Variants in ATF7 observed in about 807,000 individuals in gnomAD.
ATF7 encodes activating transcription factor 7, also known as cyclic AMP-dependent transcription factor ATF-7.
In ATF7, 10 loss-of-function variants were observed where a neutral mutation model predicts 50.4. That is an observed-to-expected ratio of 0.20 (90% CI 0.12 to 0.34). ATF7 has a LOEUF of 0.34. Among genes scored for constraint, ATF7 ranks in the 10% least tolerant of loss-of-function variants. The probability of loss-of-function intolerance (pLI) is 1.00; values close to 1 mark genes in which losing one functional copy is unlikely to be tolerated. For synonymous variants in ATF7, 201 were observed against 226.4 expected, an observed-to-expected ratio of 0.89 and a Z score of 1.01; for missense variants, 465 against 613.9, an observed-to-expected ratio of 0.76 and a Z score of 2.56.
intron 2 of ATF7, among the ~76,000 whole-genome samples, chr12:53,599,507 A>G (rs1943297980): frequency 6.6e-6 from 1 of 151,880 alleles, no homozygotes; most frequent in African/African-American, 2.4e-5. Flanking sequence ...GGAAACATGT[A>G]GTAAATAATA....
chr12:53,526,948 C>T (rs1434738494), intron 9 of ATF7, among the ~76,000 whole-genome samples: 2 of 151,856 alleles, frequency 1.3e-5, no homozygotes, highest in African/African-American at 2.4e-5. Flanking sequence ...CACCTGAGGT[C>T]AGAAGTTCAA....
intron 4 of ATF7, 129 bp from the exon 5 acceptor site, chr12:53,537,681 G>GC (rs1939303730): frequency 1.9e-6 from 2 of 1,058,694 alleles, no homozygotes; most frequent in Non-Finnish European, 2.7e-6. Flanking sequence ...GCACTGAACT[G>GC]CATGTCAAAT....
At chr12:53,588,917 C>T (rs887917277) in intron 2 of ATF7, among the ~76,000 whole-genome samples, 1 of 152,066 alleles carries the variant, frequency 6.6e-6, no homozygotes, top group Admixed American at 6.6e-5. Flanking sequence ...TCTTCATTTT[C>T]ATAAGAATTT....
intron 2 of ATF7, among the ~76,000 whole-genome samples, chr12:53,599,196 G>A (rs1170364006): frequency 6.6e-6 from 1 of 151,822 alleles, no homozygotes. Flanking sequence ...ACCATGCCTG[G>A]CTAATTTTTA....
chr12:53,592,252 AAGGT>A (rs1942975837), intron 2 of ATF7, among the ~76,000 whole-genome samples: 1 of 152,234 alleles, frequency 6.6e-6, no homozygotes, highest in Non-Finnish European at 1.5e-5. Context: ...CACAAATACA[AAGGT>A]AGCATATTTC....
intron 2 of ATF7, among the ~76,000 whole-genome samples, chr12:53,582,967 C>A (rs1453723254): frequency 1.3e-5 from 2 of 152,116 alleles, no homozygotes; most frequent in African/African-American, 4.8e-5. Context: ...GACAAAGAAG[C>A]AAAGGCAATA....
chr12:53,601,064 T>G, intron 1 of ATF7, 43 bp from the exon 2 acceptor site: 1 of 1,323,122 alleles, frequency 7.6e-7, no homozygotes, highest in Non-Finnish European at 1.0e-6. Flanking sequence ...TTAAATATGC[T>G]GGAGCAAAAA....
chr12:53,612,431 G>A (rs1040623057), intron 1 of ATF7, among the ~76,000 whole-genome samples: 3 of 151,956 alleles, frequency 2.0e-5, no homozygotes, highest in African/African-American at 7.3e-5. Flanking sequence ...GTGCCATCAC[G>A]CCCGGCTAAT....
intron 2 of ATF7, among the ~76,000 whole-genome samples, chr12:53,581,073 C>T (rs1942399791): frequency 1.3e-5 from 2 of 151,676 alleles, no homozygotes; most frequent in East Asian, 3.9e-4. Context: ...GATTGTGCCA[C>T]TGCACTCCAG....
Position 53,533,205 on chromosome 12 carries a change from C to G in ATF7, c.615G>C (p.Met205Ile). 6.2e-7 allele frequency: 1 copy of G among 1,613,884 alleles called. No homozygotes were observed. Among genetic ancestry groups the G allele is most frequent in the Non-Finnish European group, 8.5e-7 (1 of 1,179,814 alleles). ...GTACTGGAGGCCCTGGCAACACAGGCATGGTCTGTCCATTAGCAAGATGCA... is the reference window on the plus strand; with the variant it reads ...GTACTGGAGGCCCTGGCAACACAGGGATGGTCTGTCCATTAGCAAGATGCA... ...LVMHLANGQT[M>I]PVLPGPPVQM... Residue 205 changes from methionine to isoleucine, a missense_variant, in exon 7 of 12, where the codon ATG (methionine) becomes ATC (isoleucine). By Grantham distance (10) the Met-to-Ile change is conservative. Coordinates refer to ENST00000420353, the MANE Select transcript of ATF7 (RefSeq NM_006856.3).
Position 53,587,907 on chromosome 12 carries a change from C to CACGATCTAAGCTCACT in ATF7, c.48+13030_48+13045dup, listed in dbSNP as rs1942791124. On this transcript the variant is annotated intron_variant, in intron 2 of 11. Coordinates refer to ENST00000420353, the MANE Select transcript of ATF7 (RefSeq NM_006856.3). ...TGTCACCCAGGCTGGAGTGCAATGG[C>CACGATCTAAGCTCACT]ACGATCTAAGCTCACTGCAACCTCT... Among the ~76,000 whole-genome samples the CACGATCTAAGCTCACT allele has an allele frequency of 2.1e-5, 3 of 145,122 alleles. No homozygotes were observed. The Admixed American group carries it at 2.2e-4, about 10-fold the overall frequency.
At chr12:53,587,843 A>ATATATATATATATATATATATATATTTT in intron 2 of ATF7, among the ~76,000 whole-genome samples, 38 of 61,486 alleles carry the variant, frequency 6.2e-4, no homozygotes, top group Non-Finnish European at 8.1e-4. Context: ...ATATATATAT[A>ATATATATATATATATATATATATATTTT]TTTTTTTTTT....
intron 2 of ATF7, among the ~76,000 whole-genome samples, chr12:53,596,549 G>C (rs1325479076): frequency 1.3e-5 from 2 of 152,176 alleles, no homozygotes; most frequent in Non-Finnish European, 2.9e-5. Context: ...CCTGTGTCAT[G>C]TGCCTGAGAG....
chr12:53,617,082 C>G (rs554820558), intron 1 of ATF7, among the ~76,000 whole-genome samples: 35 of 152,208 alleles, frequency 2.3e-4, no homozygotes, highest in African/African-American at 7.9e-4. Flanking sequence ...GAGTGCAGTG[C>G]TGCAACCTGG....
At chr12:53,518,882 CA>C (rs762151684) in intron 11 of ATF7, among the ~76,000 whole-genome samples, 1,567 of 126,486 alleles carry the variant, frequency 0.012, 21 homozygotes, top group African/African-American at 0.04. Context: ...CGTCTCTACT[CA>C]AAAAAAAAAA....
At chr12:53,572,615 A>G (rs1411689418) in intron 2 of ATF7, among the ~76,000 whole-genome samples, 1 of 152,078 alleles carries the variant, frequency 6.6e-6, no homozygotes, top group East Asian at 1.9e-4. Context: ...TTCACTTTCC[A>G]TGGTTTCAGT....
At chr12:53,583,662 C>T (rs1415689213) in intron 2 of ATF7, among the ~76,000 whole-genome samples, 2 of 151,942 alleles carry the variant, frequency 1.3e-5, no homozygotes, top group African/African-American at 2.4e-5. Flanking sequence ...AAATACAACA[C>T]CAAAGTCATG....
At chr12:53,561,019 C>T (rs1175004059) in intron 2 of ATF7, among the ~76,000 whole-genome samples, 1 of 149,066 alleles carries the variant, frequency 6.7e-6, no homozygotes, top group African/African-American at 2.5e-5. Context: ...GATCTTAGAT[C>T]ACTGTAACCT....
intron 9 of ATF7, among the ~76,000 whole-genome samples, chr12:53,527,795 CT>C (rs1160003093): frequency 4.6e-5 from 7 of 151,808 alleles, no homozygotes; most frequent in African/African-American, 1.7e-4. Context: ...ATCTTGTACT[CT>C]ACTCTAGGCC....
Sources: gnomAD v4.1 joint callset for allele counts (sites outside exome capture counted in the v4.1 genomes callset) on GRCh38, gnomAD v4.1.1 for gene constraint, MANE v1.5 for transcripts, NCBI Gene and HGNC (gene_info 2026-07-23, HGNC 2026-07-21) for gene names.